The following HIPK2 variants were observed in gnomAD, a reference collection of about 807,000 sequenced individuals.
HIPK2 encodes homeodomain interacting protein kinase 2, also known as homeodomain-interacting protein kinase 2.
A neutral mutation model predicts 113.7 loss-of-function variants in HIPK2; 27 were observed. The observed-to-expected ratio is 0.24, with a 90% CI of 0.17 to 0.33. The LOEUF (loss-of-function observed/expected upper bound fraction) is 0.33, where lower values mean the gene tolerates loss of function less well. Ranked by LOEUF, HIPK2 falls within the 10% of genes least tolerant of loss-of-function variation. The pLI, the probability that HIPK2 is intolerant of heterozygous loss-of-function variation, is 1.00. For missense variants in HIPK2, 1,257 were observed against 1,588.0 expected, an observed-to-expected ratio of 0.79 and a Z score of 3.54; for synonymous variants, 631 against 642.2, an observed-to-expected ratio of 0.98 and a Z score of 0.26.
At position 139,719,178 on chromosome 7, in the gene HIPK2, G is replaced by A. The variant is rs142907057; in HGVS notation, c.20-2163C>T. Among the ~76,000 whole-genome samples, 868 of 151,920 alleles carry A rather than the reference G, an allele frequency of 5.7e-3. 7 individuals carry two copies. Among genetic ancestry groups the A allele is most frequent in the South Asian group, 0.016 (79 of 4,822 alleles). ...TTTTGAGACAGAGTCTTGCTCTGTC[G>A]CCCAGACTGGAGTGCAGTGGTGCTA... On this transcript the variant is annotated intron_variant, in intron 1 of 14. Transcript: ENST00000406875.
At position 139,568,552 on chromosome 7, in the gene HIPK2, C is replaced by T. The variant is rs1412940419; in HGVS notation, c.*4375G>A. On this transcript the variant is annotated 3_prime_UTR_variant, in exon 15 of 15. Coordinates refer to ENST00000406875, the MANE Select transcript of HIPK2 (RefSeq NM_022740.5). ...CACCAGGCTCCAGTTAAACACTCCTCCGTGACCTGACATTTCAAATCTTCC... is the reference window on the plus strand; with the variant it reads ...CACCAGGCTCCAGTTAAACACTCCTTCGTGACCTGACATTTCAAATCTTCC... The T allele has an allele frequency of 6.6e-6, 1 of 152,266 alleles. No individual in the cohort carries two copies. Among genetic ancestry groups the T allele is most frequent in the African/African-American group, 2.4e-5 (1 of 41,468 alleles). 9.4% of individuals were successfully genotyped at this position (152,266 alleles called of 1,614,324 possible). A position where few individuals can be genotyped will look rare whatever the true frequency, so the allele number is the denominator to read the frequency against.
chr7:139,768,777 T>A (rs1796596028), intron 1 of HIPK2, among the ~76,000 whole-genome samples: 2 of 152,158 alleles, frequency 1.3e-5, no homozygotes, highest in South Asian at 4.1e-4. Flanking sequence ...GGAACCACTA[T>A]ACCTGGAGCC....
chr7:139,701,048 C>A (rs1041001967), intron 2 of HIPK2, among the ~76,000 whole-genome samples: 2 of 152,222 alleles, frequency 1.3e-5, no homozygotes, highest in Admixed American at 1.3e-4. Flanking sequence ...TTTCTGTCAG[C>A]GCCAGCACCA....
At chr7:139,623,517 CAAAAA>C (rs771370297) in intron 6 of HIPK2, among the ~76,000 whole-genome samples, 2 of 74,096 alleles carry the variant, frequency 2.7e-5, no homozygotes, top group Non-Finnish European at 6.3e-5. Flanking sequence ...GACTCTACTT[CAAAAA>C]AAAAAAAAAA....
At chr7:139,633,823 T>A (rs543666380) in intron 2 of HIPK2, among the ~76,000 whole-genome samples, 93 of 152,030 alleles carry the variant, frequency 6.1e-4, no homozygotes, top group Middle Eastern at 3.4e-3. Flanking sequence ...CGCAGGTCTG[T>A]AATCCCAGCT....
chr7:139,629,342 G>C (rs1200576865), intron 4 of HIPK2, among the ~76,000 whole-genome samples: 1 of 152,220 alleles, frequency 6.6e-6, no homozygotes, highest in African/African-American at 2.4e-5. Flanking sequence ...CCTTCTCTGA[G>C]TCTAAGGAAT....
intron 5 of HIPK2, 42 bp downstream of exon 5, chr7:139,628,911 G>A (rs1452405077): frequency 5.9e-6 from 9 of 1,528,882 alleles, no homozygotes; most frequent in Non-Finnish European, 7.1e-6. Context: ...GCTGCCCTTG[G>A]TTTTAAAGGG....
At chr7:139,732,750 T>A (rs1321569013) in intron 1 of HIPK2, among the ~76,000 whole-genome samples, 2 of 145,662 alleles carry the variant, frequency 1.4e-5, no homozygotes, top group Admixed American at 6.9e-5. Context: ...TATATATATA[T>A]AACTATATAT....
At chr7:139,703,349 G>A (rs1794768381) in intron 2 of HIPK2, among the ~76,000 whole-genome samples, 1 of 152,086 alleles carries the variant, frequency 6.6e-6, no homozygotes, top group Non-Finnish European at 1.5e-5. Flanking sequence ...ACATCATCTG[G>A]CTCTCTTGGT....
intron 2 of HIPK2, among the ~76,000 whole-genome samples, chr7:139,664,669 T>C (rs1801985131): frequency 6.6e-6 from 1 of 152,208 alleles, no homozygotes; most frequent in South Asian, 2.1e-4. Flanking sequence ...GCTGGTCTCT[T>C]CTTTTGGTAG....
At chr7:139,577,804 C>G (rs1798539896) in intron 13 of HIPK2, among the ~76,000 whole-genome samples, 1 of 152,160 alleles carries the variant, frequency 6.6e-6, no homozygotes, top group African/African-American at 2.4e-5. Flanking sequence ...GGCTGTCCTG[C>G]CTCCTTGGGC....
intron 5 of HIPK2, among the ~76,000 whole-genome samples, chr7:139,628,414 C>T (rs1800501619): frequency 6.6e-6 from 1 of 152,184 alleles, no homozygotes; most frequent in Non-Finnish European, 1.5e-5. Context: ...TACTATATTA[C>T]AACTGGGAAC....
chr7:139,594,176 C>A (rs986242910), intron 12 of HIPK2, among the ~76,000 whole-genome samples: 1 of 152,176 alleles, frequency 6.6e-6, no homozygotes, highest in East Asian at 1.9e-4. Flanking sequence ...TCAAAGCCCC[C>A]CTCCCCTGCT....
chr7:139,660,109 C>G (rs1012973097), intron 2 of HIPK2, among the ~76,000 whole-genome samples: 2 of 152,170 alleles, frequency 1.3e-5, no homozygotes, highest in African/African-American at 4.8e-5. Flanking sequence ...CTGGAATGGC[C>G]TCCCATAGTT....
rs111779931 is a variant in HIPK2 at position 139,761,234 on chromosome 7, G to A, written c.19+16371C>T. Among the ~76,000 whole-genome samples, 459 of 152,306 alleles carry A rather than the reference G, an allele frequency of 3.0e-3. 2 individuals carry two copies. Among genetic ancestry groups the A allele is most frequent in the African/African-American group, 0.011 (438 of 41,570 alleles). ...TTATAGAAGAAATGAAAGAATTACA[G>A]AAACATTTCCCAAAACCCAAGGAAG... is the stretch of plus-strand genomic sequence containing the variant. On this transcript the variant is annotated intron_variant, in intron 1 of 14. Coordinates refer to ENST00000406875, the MANE Select transcript of HIPK2 (RefSeq NM_022740.5).
chr7:139,705,399 C>T lies in HIPK2; in HGVS notation c.1103+10533G>A, dbSNP rs548323890. ...GTTTCCCCCTTTTTTTTTTTTGAGA[C>T]GGAGTCTCGCTATGTCGCCCAGGCT... On this transcript the variant is annotated intron_variant, in intron 2 of 14. Transcript: ENST00000406875. Among the ~76,000 whole-genome samples the T allele has an allele frequency of 3.3e-5, 5 of 151,192 alleles. No homozygotes were observed. In the South Asian group the frequency reaches 6.3e-4, roughly 19 times the overall value.
At chr7:139,663,975 C>T (rs992080703) in intron 2 of HIPK2, among the ~76,000 whole-genome samples, 10 of 152,196 alleles carry the variant, frequency 6.6e-5, no homozygotes, top group African/African-American at 2.2e-4. Context: ...GGGATCAAAC[C>T]CCAGAGGCCT....
chr7:139,632,207 C>A (rs911613723), intron 2 of HIPK2, among the ~76,000 whole-genome samples: 2 of 152,124 alleles, frequency 1.3e-5, no homozygotes, highest in African/African-American at 4.8e-5. Context: ...TGGCTATTCA[C>A]AGGCATGATC....
rs986025708 is a variant in HIPK2, at chr7:139,563,817, G to C, written c.*9110C>G. The stretch of plus-strand genomic sequence containing the variant: ...TTTTTTAAAAGCTCCCTGGTCCCAG[G>C]TGTTTTGCAGTTTTCAAGGTCTTAT... On this transcript the variant is annotated 3_prime_UTR_variant, in exon 15 of 15. Coordinates refer to ENST00000406875, the MANE Select transcript of HIPK2 (RefSeq NM_022740.5). 2.0e-5 allele frequency: 8 copies of C among 398,482 alleles called. No homozygotes were observed. Among genetic ancestry groups the C allele is most frequent in the African/African-American group, 1.2e-4 (6 of 48,602 alleles). 24.7% of individuals were successfully genotyped at this position (398,482 alleles called of 1,614,324 possible).
Sources: gnomAD v4.1 joint callset for allele counts (sites outside exome capture counted in the v4.1 genomes callset) on GRCh38, gnomAD v4.1.1 for gene constraint, MANE v1.5 for transcripts, NCBI Gene and HGNC (gene_info 2026-07-23, HGNC 2026-07-21) for gene names.